Variants in IZUMO2 observed in about 807,000 individuals in gnomAD.
IZUMO2 encodes the protein IZUMO family member 2, also known as izumo sperm-egg fusion protein 2.
Under a neutral mutation model 31.2 loss-of-function variants are expected in IZUMO2, and 24 were observed. That is an observed-to-expected ratio of 0.77 (90% CI 0.56 to 1.08). The LOEUF (loss-of-function observed/expected upper bound fraction) is 1.08, where lower values mean the gene tolerates loss of function less well. Ranked by LOEUF, IZUMO2 falls within the 50% of genes least tolerant of loss-of-function variation. IZUMO2 has a pLI of 0.00. For missense variants in IZUMO2, 278 were observed against 274.0 expected (o/e 1.01, Z -0.10); for synonymous variants, 144 against 117.3 (o/e 1.23, Z -1.47).
chr19:50,159,257 G>A lies in IZUMO2; in HGVS notation c.395-7C>T, dbSNP rs1406699594. The A allele has an allele frequency of 1.1e-5, 17 of 1,610,968 alleles. No individual in the cohort carries two copies. Among genetic ancestry groups the A allele is most frequent in the Non-Finnish European group, 1.4e-5 (16 of 1,179,160 alleles). On this transcript the variant is annotated splice_polypyrimidine_tract_variant and splice_region_variant and intron_variant, in intron 3 of 6. Transcript: ENST00000293405. ...CAAAGTTTGGGGTTGCAGGCTGCAA[G>A]AGAAAATTGCTGAGGTGAGTTAAAT...
chr19:50,154,006 GCT>G (rs2030117508), intron 6 of IZUMO2, among the ~76,000 whole-genome samples: 1 of 141,358 alleles, frequency 7.1e-6, no homozygotes, highest in Admixed American at 7.3e-5. Flanking sequence ...CGGAGAAGGG[GCT>G]GGGGGGGAGG....
At chr19:50,157,934 T>G (rs1360770700) in intron 5 of IZUMO2, among the ~76,000 whole-genome samples, 1 of 150,656 alleles carries the variant, frequency 6.6e-6, no homozygotes, top group Non-Finnish European at 1.5e-5. Flanking sequence ...AAAGAATGTA[T>G]GTTTTTTAGA....
At chr19:50,159,394 T>C in intron 3 of IZUMO2, 100 bp downstream of exon 3, 1 of 1,228,334 alleles carries the variant, frequency 8.1e-7, no homozygotes, top group Non-Finnish European at 1.2e-6. Context: ...GGCTGAGCTA[T>C]AGGGGAGGTG....
chr19:50,159,447 G>A (rs758277578), intron 3 of IZUMO2, 47 bp downstream of exon 3: 1 of 1,405,630 alleles, frequency 7.1e-7, no homozygotes, highest in Non-Finnish European at 1.0e-6. Context: ...GGGATCAAGA[G>A]GTCAAGGGAG....
rs2030457077 is a variant in IZUMO2, at chr19:50,163,031, G to A, written c.164C>T (p.Ala55Val). The change falls in exon 1 of 7, where the codon GCC becomes GTC. Residue 55 changes from alanine (A) to valine (V), a missense_variant. By Grantham distance (64) the Ala-to-Val change is moderately conservative. Coordinates refer to ENST00000293405, the MANE Select transcript of IZUMO2 (RefSeq NM_152358.3). ...AGGCCCCTCCATGCCCATCAGCACG[G>A]CCCCGGCGCGCGCCTGCAGCTGCTC... ...QLEQLQARAG[A>V]VLMGMEGPFF... 10 of 1,612,692 alleles carry A rather than the reference G, an allele frequency of 6.2e-6. No individual in the cohort carries two copies. The highest frequency in any genetic ancestry group is 1.3e-5 in the African/African-American group (1 of 74,922).
chr19:50,163,237 C>A lies in IZUMO2; in HGVS notation c.-43G>T. On this transcript the variant is annotated 5_prime_UTR_variant, in exon 1 of 7. Transcript: ENST00000293405. ...GTCACAGAGAGAACCCGGCCCGCCC[C>A]GCCTCCCAGGCGAGGGCGCGGTCAG... The A allele has an allele frequency of 6.8e-7, 1 of 1,478,670 alleles. No homozygotes were observed. The highest frequency in any genetic ancestry group is 2.5e-5 in the East Asian group (1 of 40,558). 91.6% of individuals were successfully genotyped at this position (1,478,670 alleles called of 1,614,324 possible).
intron 3 of IZUMO2, 31 bp from the exon 4 acceptor site, chr19:50,159,281 A>G (rs953004356): frequency 6.2e-7 from 1 of 1,608,132 alleles, no homozygotes; most frequent in African/African-American, 1.3e-5. Flanking sequence ...GGTGAGTTAA[A>G]TTGGGATGGC....
chr19:50,160,712 T>A lies in IZUMO2; in HGVS notation c.308-1132A>T, dbSNP rs370772960. 14 of 152,268 alleles carry A rather than the reference T, an allele frequency of 9.2e-5. No homozygotes were observed. In the East Asian group the frequency reaches 1.2e-3, roughly 13 times the overall value. The allele number at this position is 152,268 out of a possible 1,614,324, so 9.4% of individuals were successfully genotyped here. On this transcript the variant is annotated intron_variant, in intron 2 of 6. Transcript: ENST00000293405. ...CCAGGCTAGTCTTGAATTCCTGACC[T>A]CAGGCGATCCACCTGTCTCGGCATC...
At chr19:50,161,146 C>T (rs140281149) in intron 2 of IZUMO2, among the ~76,000 whole-genome samples, 2,478 of 138,544 alleles carry the variant, frequency 0.018, 65 homozygotes, top group African/African-American at 0.063. Context: ...TTTTTTGAGA[C>T]GTAGTTTTGC....
chr19:50,159,271 G>C, intron 3 of IZUMO2, 21 bp from the exon 4 acceptor site: 1 of 1,609,858 alleles, frequency 6.2e-7, no homozygotes, highest in Non-Finnish European at 8.5e-7. Context: ...AAATTGCTGA[G>C]GTGAGTTAAA....
chr19:50,157,663 C>T (rs993712987), intron 5 of IZUMO2, among the ~76,000 whole-genome samples: 2 of 53,168 alleles, frequency 3.8e-5, no homozygotes, highest in East Asian at 6.4e-4. Context: ...TGGTGGCTCA[C>T]GCCTGTAATC....
rs1600817053 is a variant in IZUMO2, at chr19:50,163,103, G to T, written c.92C>A (p.Ala31Asp). Reference protein sequence around the residue: ...CLQCDPLVLEALGHLRSALIP... With the variant: ...CLQCDPLVLEDLGHLRSALIP... ...GAGGGCGGAGCGCAGGTGACCCAGG[G>T]CCTCCAGCACCAAGGGGTCGCACTG... is the stretch of plus-strand genomic sequence containing the variant. The change falls in exon 1 of 7, where the codon GCC becomes GAC. Residue 31 changes from alanine (A) to aspartate (D), a missense_variant. Ala to Asp is a moderately radical substitution (Grantham distance 126, BLOSUM62 -2). Coordinates refer to ENST00000293405, the MANE Select transcript of IZUMO2 (RefSeq NM_152358.3). 1 of 1,610,844 alleles carries T rather than the reference G, an allele frequency of 6.2e-7. No homozygotes were observed. Among genetic ancestry groups the T allele is most frequent in the East Asian group, 2.2e-5 (1 of 44,722 alleles).
At chr19:50,162,577 T>C (rs1465594668) in intron 2 of IZUMO2, among the ~76,000 whole-genome samples, 162 bp downstream of exon 2, 2 of 151,822 alleles carry the variant, frequency 1.3e-5, no homozygotes, top group African/African-American at 4.8e-5. Context: ...ATGGCGCTAC[T>C]GCACTCCAGC....
At chr19:50,162,915 C>G (rs375055025) in intron 1 of IZUMO2, 48 bp downstream of exon 1, 25 of 1,607,540 alleles carry the variant, frequency 1.6e-5, no homozygotes, top group African/African-American at 2.7e-5. Flanking sequence ...GGCGTGGTCT[C>G]CGGCATCCCT....
chr19:50,161,306 G>A (rs1270365856), intron 2 of IZUMO2, among the ~76,000 whole-genome samples: 1 of 151,898 alleles, frequency 6.6e-6, no homozygotes, highest in African/African-American at 2.4e-5. Context: ...ATTTTTAGTA[G>A]AGACAGGGTT....
chr19:50,154,511 G>A (rs2030145817), intron 6 of IZUMO2, 89 bp downstream of exon 6: 4 of 1,322,758 alleles, frequency 3.0e-6, no homozygotes, highest in Middle Eastern at 3.7e-4. Flanking sequence ...GACTCCCAAA[G>A]TACACAGTGA....
At chr19:50,162,129 A>C (rs1279692095) in intron 2 of IZUMO2, among the ~76,000 whole-genome samples, 1 of 152,006 alleles carries the variant, frequency 6.6e-6, no homozygotes, top group Admixed American at 6.6e-5. Context: ...CTAAAAATAC[A>C]AAAATTAGCC....
intron 1 of IZUMO2, 72 bp downstream of exon 1, chr19:50,162,891 C>T (rs2030449576): frequency 1.2e-6 from 2 of 1,605,112 alleles, no homozygotes; most frequent in Non-Finnish European, 1.7e-6. Flanking sequence ...GGCCTGGCCC[C>T]GACCCCTCTT....
intron 6 of IZUMO2, among the ~76,000 whole-genome samples, chr19:50,153,995 C>T (rs998637814): frequency 1.1e-5 from 1 of 87,098 alleles, no homozygotes; most frequent in Admixed American, 1.7e-4. Flanking sequence ...AAGAGAGGGG[C>T]CGGAGAAGGG....
Sources: allele counts gnomAD v4.1 joint callset (sites outside exome capture counted in the v4.1 genomes callset), GRCh38; gene constraint gnomAD v4.1.1; transcripts MANE v1.5; gene names NCBI Gene and HGNC (gene_info 2026-07-23, HGNC 2026-07-21).